Variants in DGKZ observed in about 807,000 individuals in gnomAD.
DGKZ encodes the protein diacylglycerol kinase zeta, also known as DAG kinase zeta.
In DGKZ, 45 loss-of-function variants were observed where a neutral mutation model predicts 142.5. The observed-to-expected ratio is 0.32, with a 90% CI of 0.25 to 0.40. The LOEUF (loss-of-function observed/expected upper bound fraction) is 0.40, where lower values mean the gene tolerates loss of function less well. Ranked by LOEUF, DGKZ falls within the 10% of genes least tolerant of loss-of-function variation. The pLI is 1.00. For synonymous variants in DGKZ, 442 were observed against 527.0 expected (o/e 0.84, Z 2.21); for missense variants, 755 against 1,306.5 (o/e 0.58, Z 6.51).
rs531474198 is a variant in DGKZ, at chr11:46,335,014, A to G, written c.212+1527A>G. ...GAGTTTTGCCTTAGCTGTGGGTCAG[A>G]GACAAATCACAAATGGAGGCTGGGC... On this transcript the variant is annotated intron_variant, in intron 1 of 30. Transcript: ENST00000343674. Among the ~76,000 whole-genome samples, 7 of 152,284 alleles carry G rather than the reference A, an allele frequency of 4.6e-5. 1 individual carries two copies. The South Asian group carries it at 6.2e-4, about 14-fold the overall frequency.
At chr11:46,373,146 A>G (rs2136489450) in intron 14 of DGKZ, 45 bp downstream of exon 14, 2 of 1,497,796 alleles carry the variant, frequency 1.3e-6, no homozygotes, top group Admixed American at 5.3e-5. Context: ...GTGACTGGGG[A>G]CTGGATCCCA....
upstream of DGKZ, chr11:46,345,486 T>C: frequency 6.6e-7 from 1 of 1,508,706 alleles, no homozygotes; most frequent in Non-Finnish European, 8.8e-7. This position sits in a 1 kb window ranked among gnomAD's most constrained non-coding sequence, Gnocchi z 4.1. Flanking sequence ...GTGGAGGCGC[T>C]GGGGACGGAA....
In DGKZ at chr11:46,371,423, T is replaced by G. The variant is rs200617529; in HGVS notation, c.642+39T>G. ...CCGCCCCCAGGGCCAGGCCCTGCAC[T>G]GCTGGGTTTGGGTCCCCGAGTCTGA... On this transcript the variant is annotated intron_variant, in intron 7 of 30. Transcript: ENST00000527911. 4.3e-5 allele frequency: 70 copies of G among 1,610,702 alleles called. No individual in the cohort carries two copies. The Admixed American group carries it at 1.1e-3, about 26-fold the overall frequency.
At chr11:46,342,552 AC>A (rs1940329692), upstream of DGKZ, among the ~76,000 whole-genome samples, 1 of 152,080 alleles carries the variant, frequency 6.6e-6, no homozygotes, top group African/African-American at 2.4e-5. Flanking sequence ...TCCAGAATAG[AC>A]CTTGGTCTGG....
At chr11:46,338,196 A>G (rs950851891) in intron 1 of DGKZ, among the ~76,000 whole-genome samples, 1 of 152,110 alleles carries the variant, frequency 6.6e-6, no homozygotes, top group Non-Finnish European at 1.5e-5. Context: ...CACTCATTTA[A>G]AAACTTAAAA....
At chr11:46,343,467 C>T (rs1395352783), upstream of DGKZ, among the ~76,000 whole-genome samples, 1 of 152,156 alleles carries the variant, frequency 6.6e-6, no homozygotes, top group Non-Finnish European at 1.5e-5. Context: ...TTTCTGTCCT[C>T]AAGAAATTCA....
Position 46,376,580 on chromosome 11 carries a change from C to T in DGKZ, c.2202+16C>T, listed in dbSNP as rs1944568391. 5 of 1,613,062 alleles carry T rather than the reference C, an allele frequency of 3.1e-6. No homozygotes were observed. The African/African-American group carries it at 5.3e-5, about 17-fold the overall frequency. On this transcript the variant is annotated intron_variant, in intron 24 of 30. Transcript: ENST00000527911. ...CCGAGCCCAGGTGAGCGATTGCAGG[C>T]CTGCTCCAGCCACAGCTGCTTCCGG...
At chr11:46,363,143 A>AT (rs1466343694) in intron 1 of DGKZ, among the ~76,000 whole-genome samples, 1 of 152,252 alleles carries the variant, frequency 6.6e-6, no homozygotes, top group Non-Finnish European at 1.5e-5. Flanking sequence ...GAGCTGCGCT[A>AT]TGGGAGAGGC....
intron 1 of DGKZ, among the ~76,000 whole-genome samples, chr11:46,335,116 C>T (rs1284566659): frequency 6.6e-6 from 1 of 152,072 alleles, no homozygotes; most frequent in East Asian, 1.9e-4. Flanking sequence ...AAGTTCAAGA[C>T]CAGCCTGGCC....
At chr11:46,369,384 G>T (rs1943694287) in intron 4 of DGKZ, 110 bp from the exon 5 acceptor site, 1 of 1,338,994 alleles carries the variant, frequency 7.5e-7, no homozygotes. Flanking sequence ...ACGATTTGGG[G>T]GTATCCCCAC....
chr11:46,358,484 A>C (rs75794821), intron 1 of DGKZ, among the ~76,000 whole-genome samples: 2,557 of 152,260 alleles, frequency 0.017, 69 homozygotes, highest in African/African-American at 0.058. Flanking sequence ...TATTTGGCAG[A>C]CATTTTCTCA....
At chr11:46,334,694 G>A (rs1392136411) in intron 1 of DGKZ, among the ~76,000 whole-genome samples, 4 of 152,142 alleles carry the variant, frequency 2.6e-5, no homozygotes, top group Admixed American at 6.5e-5. Context: ...ACTAGAAATC[G>A]TGGGTACACC....
rs78319983 is a variant in DGKZ at position 46,377,058 on chromosome 11, G to T, written c.2203-15G>T. On this transcript the variant is annotated splice_polypyrimidine_tract_variant and intron_variant, in intron 24 of 30. Transcript: ENST00000527911. The stretch of plus-strand genomic sequence containing the variant: ...GTCAGGTGCCCTGACCTCCCGCCCT[G>T]ACCTCCCCCCACAGGAGCACCTCAA... 820 of 1,611,516 alleles carry T rather than the reference G, an allele frequency of 5.1e-4. 5 individuals are homozygous for T. The African/African-American group carries it at 9.8e-3, about 19-fold the overall frequency.
At chr11:46,343,248 G>C (rs1940365157), upstream of DGKZ, among the ~76,000 whole-genome samples, 1 of 152,132 alleles carries the variant, frequency 6.6e-6, no homozygotes, top group African/African-American at 2.4e-5. Context: ...AAATGTTCAG[G>C]AACTATTAGC....
chr11:46,357,898 A>G (rs1942218388), intron 1 of DGKZ, among the ~76,000 whole-genome samples: 1 of 152,222 alleles, frequency 6.6e-6, no homozygotes, highest in African/African-American at 2.4e-5. Flanking sequence ...TAAGTCAGGC[A>G]CAGCCAGATT....
At chr11:46,377,303 C>T (rs1944662761) in intron 25 of DGKZ, 91 bp downstream of exon 25, 5 of 1,464,432 alleles carry the variant, frequency 3.4e-6, no homozygotes, top group Non-Finnish European at 4.5e-6. Context: ...AGCCCCTCCA[C>T]CAGTTAACTA....
chr11:46,367,415 C>T lies in DGKZ; in HGVS notation c.270+16C>T. 6.2e-7 allele frequency: 1 copy of T among 1,610,690 alleles called. No homozygotes were observed. The highest frequency in any genetic ancestry group is 8.5e-7 in the Non-Finnish European group (1 of 1,178,140). On this transcript the variant is annotated intron_variant, in intron 2 of 30. Coordinates refer to ENST00000527911, the Ensembl canonical transcript of DGKZ. This position sits in a 1 kb window ranked among gnomAD's most constrained non-coding sequence, Gnocchi z 4.1. ...GGACTGGAGCGTGAGTGCCTGAACA[C>T]CCCTGGGTCCCAGACCCTCTGGGCT...
Position 46,374,752 on chromosome 11 carries a change from C to T in DGKZ, c.1525-14C>T. The T allele has an allele frequency of 1.2e-6, 2 of 1,612,652 alleles. No individual in the cohort carries two copies. Among genetic ancestry groups the T allele is most frequent in the Non-Finnish European group, 1.7e-6 (2 of 1,179,282 alleles). On this transcript the variant is annotated splice_polypyrimidine_tract_variant and intron_variant, in intron 17 of 30. Transcript: ENST00000527911. ...TGGCACATGCACCTCAACACCCTCC[C>T]CGCCCGCCTCCAGTGTGATGGAATG... is the stretch of plus-strand genomic sequence containing the variant.
intron 1 of DGKZ, chr11:46,365,909 C>T (rs1318010370): frequency 5.5e-5 from 54 of 985,290 alleles, no homozygotes; most frequent in Non-Finnish European, 6.3e-5. Context: ...TCTGTAGATT[C>T]TGGTGCCTGG....
Sources: allele counts gnomAD v4.1 joint callset (sites outside exome capture counted in the v4.1 genomes callset), GRCh38; gene constraint gnomAD v4.1.1; non-coding constraint Gnocchi (gnomAD v3.1); transcripts MANE v1.5; gene names NCBI Gene and HGNC (gene_info 2026-07-23, HGNC 2026-07-21).